LOC400499: variants seen among roughly 807,000 people sequenced by gnomAD.
chr16:11,471,732 G>C, the LOC400499 span: 4 of 399,100 alleles, frequency 1.0e-5, no homozygotes, highest in African/African-American at 6.2e-5. Flanking sequence ...TCACGGCCGC[G>C]AACACAGGCA....
the LOC400499 span, among the ~76,000 whole-genome samples, chr16:11,507,751 G>A: frequency 1.3e-5 from 2 of 151,974 alleles, no homozygotes; most frequent in Non-Finnish European, 2.9e-5. Flanking sequence ...GGGCAACATG[G>A]CAAAACCCCG....
the LOC400499 span, chr16:11,457,081 C>G: frequency 2.0e-6 from 3 of 1,476,794 alleles, no homozygotes; most frequent in South Asian, 4.0e-5. Flanking sequence ...TGGGATCATG[C>G]CACCCCTGGC....
chr16:11,500,962 G>C, the LOC400499 span: 5 of 398,988 alleles, frequency 1.3e-5, no homozygotes, highest in African/African-American at 2.1e-5. Flanking sequence ...GCATCCAACA[G>C]TGGCTGCCTG....
the LOC400499 span, among the ~76,000 whole-genome samples, chr16:11,456,021 GA>G: frequency 2.7e-5 from 4 of 147,150 alleles, no homozygotes; most frequent in South Asian, 2.1e-4. Flanking sequence ...TGAAAAAATG[GA>G]AAAAAAAATT....
the LOC400499 span, chr16:11,450,873 T>C: frequency 2.7e-6 from 4 of 1,480,944 alleles, no homozygotes; most frequent in African/African-American, 1.4e-5. Flanking sequence ...AGGAAGCTTC[T>C]AGCAGGCAGC....
At chr16:11,516,283 G>A in the LOC400499 span, 1 of 399,534 alleles carries the variant, frequency 2.5e-6, no homozygotes, top group Non-Finnish European at 4.4e-6. Flanking sequence ...GGATGAAGCG[G>A]AGTGGGTTAC....
At chr16:11,395,503 G>A in the LOC400499 span, among the ~76,000 whole-genome samples, 158 of 152,280 alleles carry the variant, frequency 1.0e-3, no homozygotes, top group African/African-American at 3.5e-3. Flanking sequence ...AGTCAGTCCC[G>A]GAGAACAAGA....
At chr16:11,520,575 G>C in the LOC400499 span, among the ~76,000 whole-genome samples, 1 of 151,298 alleles carries the variant, frequency 6.6e-6, no homozygotes. Context: ...GCTGACGCAG[G>C]AGAATCGCTT....
At chr16:11,502,937 T>TTTTTTTTA in the LOC400499 span, among the ~76,000 whole-genome samples, 1 of 146,324 alleles carries the variant, frequency 6.8e-6, no homozygotes, top group African/African-American at 2.6e-5. Flanking sequence ...TTTTTTTTTT[T>TTTTTTTTA]AAGAGACAGG....
chr16:11,439,486 C>G, the LOC400499 span: 3 of 398,974 alleles, frequency 7.5e-6, no homozygotes, highest in African/African-American at 6.2e-5. Flanking sequence ...GCAACGTCCA[C>G]ACCTGGAAGT....
chr16:11,419,690 G>T, the LOC400499 span, among the ~76,000 whole-genome samples: 1 of 152,066 alleles, frequency 6.6e-6, no homozygotes, highest in Non-Finnish European at 1.5e-5. Context: ...GAAAATTTTC[G>T]CAACCTACTC....
At chr16:11,443,425 C>T in the LOC400499 span, 9 of 413,662 alleles carry the variant, frequency 2.2e-5, no homozygotes, top group Non-Finnish European at 3.3e-5. Context: ...CAAGTCATTG[C>T]ACTCCAGACT....
chr16:11,491,506 T>C, the LOC400499 span, among the ~76,000 whole-genome samples: 2 of 152,252 alleles, frequency 1.3e-5, no homozygotes, highest in South Asian at 4.1e-4. Context: ...GGGACTGGAA[T>C]TGCCATGTGG....
At chr16:11,478,037 G>T in the LOC400499 span, 116 of 396,762 alleles carry the variant, frequency 2.9e-4, no homozygotes, top group Non-Finnish European at 4.1e-4. Context: ...CGGGGGCCGG[G>T]CTCGGTGGCT....
At chr16:11,439,105 G>A in the LOC400499 span, among the ~76,000 whole-genome samples, 14 of 152,200 alleles carry the variant, frequency 9.2e-5, no homozygotes, top group Middle Eastern at 3.4e-3. Context: ...GGGGGACAGG[G>A]CTCCCACCTG....
chr16:11,431,933 G>A, the LOC400499 span, among the ~76,000 whole-genome samples: 1 of 152,162 alleles, frequency 6.6e-6, no homozygotes, highest in South Asian at 2.1e-4. Context: ...TCAAGATTGG[G>A]CCCTAAGATC....
the LOC400499 span, chr16:11,439,636 A>G: frequency 2.5e-6 from 1 of 398,956 alleles, no homozygotes; most frequent in Non-Finnish European, 4.4e-6. Context: ...GAGATGCAGA[A>G]CACTAGGAGG....
At chr16:11,436,607 A>C in the LOC400499 span, among the ~76,000 whole-genome samples, 33 of 151,654 alleles carry the variant, frequency 2.2e-4, no homozygotes, top group Admixed American at 6.6e-5. Flanking sequence ...TTCTGTTCTG[A>C]GACGGAGTCT....
the LOC400499 span, among the ~76,000 whole-genome samples, chr16:11,442,979 G>A: frequency 1.3e-5 from 2 of 152,146 alleles, no homozygotes; most frequent in Non-Finnish European, 2.9e-5. Context: ...GGGTCTCAAT[G>A]CTCAACAGCT....
Sources: gnomAD v4.1 joint callset for allele counts (sites outside exome capture counted in the v4.1 genomes callset) on GRCh38, gnomAD v4.1.1 for gene constraint, MANE v1.5 for transcripts.